The following HHLA2 variants were observed in gnomAD, a reference collection of about 807,000 sequenced individuals.
HHLA2 encodes HHLA2 member of B7 family.
Under a neutral mutation model 45.9 loss-of-function variants are expected in HHLA2, and 48 were observed. That is an observed-to-expected ratio of 1.05 (90% CI 0.83 to 1.33). The LOEUF is 1.33. Ranked by LOEUF, HHLA2 falls within the 40% of genes most tolerant of loss-of-function variation. The pLI, the probability that HHLA2 is intolerant of heterozygous loss-of-function variation, is 0.00. For synonymous variants in HHLA2, 161 were observed against 173.9 expected (o/e 0.93, Z 0.59); for missense variants, 462 against 494.3 (o/e 0.93, Z 0.62).
chr3:108,324,598 C>T (rs1303794736), intron 2 of HHLA2, among the ~76,000 whole-genome samples: 5 of 152,178 alleles, frequency 3.3e-5, no homozygotes, highest in African/African-American at 7.2e-5. Flanking sequence ...AAGGAAAATA[C>T]TTTCTAGCTT....
chr3:108,377,403 G>C (rs867633781), exon 11 of HHLA2: 2 of 674,514 alleles, frequency 3.0e-6, no homozygotes, highest in Non-Finnish European at 5.2e-6. Flanking sequence ...CCACTGCAAA[G>C]AGTTGTAACC....
intron 8 of HHLA2, among the ~76,000 whole-genome samples, chr3:108,369,283 A>G (rs184150795): frequency 7.9e-5 from 12 of 152,290 alleles, no homozygotes; most frequent in African/African-American, 2.9e-4. Context: ...AAAGACCTAA[A>G]ATCAACACCC....
At chr3:108,321,091 T>TAAAAAAAAAAAAAAAAAAA (rs67374827) in intron 2 of HHLA2, among the ~76,000 whole-genome samples, 4 of 101,426 alleles carry the variant, frequency 3.9e-5, no homozygotes, top group Non-Finnish European at 6.0e-5. Context: ...TCCAGGTGTT[T>TAAAAAAAAAAAAAAAAAAA]AAAAAAAAAA....
At chr3:108,357,526 A>C (rs2081915510) in intron 6 of HHLA2, among the ~76,000 whole-genome samples, 1 of 152,114 alleles carries the variant, frequency 6.6e-6, no homozygotes, top group African/African-American at 2.4e-5. Context: ...ATTGAGTTTA[A>C]TAGGCTAGTA....
At chr3:108,328,235 T>TTAGAGGTGATA in intron 2 of HHLA2, 3 of 1,065,422 alleles carry the variant, frequency 2.8e-6, no homozygotes, top group Non-Finnish European at 3.9e-6. Flanking sequence ...GCATTGATAC[T>TTAGAGGTGATA]CTGGAATCAC....
chr3:108,360,305 T>C (rs562638278), intron 7 of HHLA2, among the ~76,000 whole-genome samples: 1 of 152,308 alleles, frequency 6.6e-6, no homozygotes, highest in South Asian at 2.1e-4. Flanking sequence ...CTGTTGTAGT[T>C]TGAGATGTGA....
intron 3 of HHLA2, among the ~76,000 whole-genome samples, chr3:108,332,984 G>A (rs2081411908): frequency 6.6e-6 from 1 of 152,176 alleles, no homozygotes; most frequent in Non-Finnish European, 1.5e-5. Context: ...CTATAGAAAG[G>A]TAATATTTGG....
Position 108,305,021 on chromosome 3 carries a change from A to T in HHLA2, c.-191-5634A>T, listed in dbSNP as rs570805638. 6.6e-5 allele frequency among the ~76,000 whole-genome samples: 10 copies of T among 152,300 alleles called. No homozygotes were observed. The East Asian group carries it at 1.9e-3, about 29-fold the overall frequency. On this transcript the variant is annotated intron_variant, in intron 1 of 10. Coordinates refer to ENST00000619531, the Ensembl canonical transcript of HHLA2. ...CCCATTGAAGATTCTGTCTGTTTTT[A>T]TAGGGTTTTCAGACATATTCTTTGT...
intron 8 of HHLA2, among the ~76,000 whole-genome samples, chr3:108,364,170 T>C (rs1005234213): frequency 6.6e-6 from 1 of 151,954 alleles, no homozygotes; most frequent in Non-Finnish European, 1.5e-5. Context: ...CAGGCCCCAG[T>C]GTGTGATGTT....
intron 8 of HHLA2, among the ~76,000 whole-genome samples, chr3:108,368,068 A>G (rs4855646): frequency 0.08 from 12,137 of 152,218 alleles, 661 homozygotes; most frequent in African/African-American, 0.16. Flanking sequence ...ATTCTTAAAG[A>G]AGAGAATTTT....
chr3:108,302,744 T>A (rs760520927), intron 1 of HHLA2: 4 of 152,178 alleles, frequency 2.6e-5, no homozygotes, highest in African/African-American at 7.2e-5. Flanking sequence ...GTTGGAAGCC[T>A]AACTCACAGG....
At chr3:108,311,092 T>C (rs373784078) in intron 2 of HHLA2, among the ~76,000 whole-genome samples, 5 of 152,202 alleles carry the variant, frequency 3.3e-5, no homozygotes, top group African/African-American at 1.2e-4. Flanking sequence ...TAGGAAATTG[T>C]TCTACTCATA....
At chr3:108,362,909 C>T (rs1465885737) in intron 8 of HHLA2, among the ~76,000 whole-genome samples, 1 of 152,066 alleles carries the variant, frequency 6.6e-6, no homozygotes, top group Non-Finnish European at 1.5e-5. Context: ...TTCTTCCTTA[C>T]CCTCACACCT....
rs557509781 is a variant in HHLA2 at position 108,336,885 on chromosome 3, G to C, written c.-27+8538G>C. ...AAGAGAATACCTAATACCAGTTCTG[G>C]GTTCTGGCTTGGGGATAAATGGCAG... On this transcript the variant is annotated intron_variant, in intron 3 of 10. Coordinates refer to ENST00000619531, the Ensembl canonical transcript of HHLA2. Among the ~76,000 whole-genome samples the C allele has an allele frequency of 9.5e-4, 144 of 152,162 alleles. 1 individual carries two copies. Among genetic ancestry groups the C allele is most frequent in the Non-Finnish European group, 1.8e-3 (125 of 68,010 alleles).
intron 8 of HHLA2, among the ~76,000 whole-genome samples, chr3:108,367,309 A>T (rs1310678936): frequency 6.6e-6 from 1 of 152,148 alleles, no homozygotes; most frequent in Non-Finnish European, 1.5e-5. Context: ...CTTCCAAATG[A>T]TTGTAACTCC....
chr3:108,367,237 TGAA>T (rs546671072), intron 8 of HHLA2, among the ~76,000 whole-genome samples: 228 of 152,118 alleles, frequency 1.5e-3, no homozygotes, highest in African/African-American at 5.1e-3. Context: ...GATAAATAAA[TGAA>T]GATGAGGAAA....
At chr3:108,345,175 G>C (rs896105695) in intron 3 of HHLA2, among the ~76,000 whole-genome samples, 8 of 152,200 alleles carry the variant, frequency 5.3e-5, no homozygotes, top group African/African-American at 1.7e-4. Context: ...AAAAAATGTG[G>C]CTTCAGGTGA....
At chr3:108,332,809 C>T (rs1310931089) in intron 3 of HHLA2, among the ~76,000 whole-genome samples, 1 of 152,140 alleles carries the variant, frequency 6.6e-6, no homozygotes, top group Non-Finnish European at 1.5e-5. Context: ...TGTTCCTCTC[C>T]TTCCTGAAGC....
At chr3:108,328,415 A>G (rs2081327598) in intron 3 of HHLA2, 1 of 997,182 alleles carries the variant, frequency 1.0e-6, no homozygotes, top group Non-Finnish European at 1.5e-6. Flanking sequence ...AAATTACTGC[A>G]TGACCAGGAA....
Sources: allele counts gnomAD v4.1 joint callset (sites outside exome capture counted in the v4.1 genomes callset), GRCh38; gene constraint gnomAD v4.1.1; transcripts MANE v1.5; gene names NCBI Gene and HGNC (gene_info 2026-07-23, HGNC 2026-07-21).